The following PRDM16 variants were observed in gnomAD, a reference collection of about 807,000 sequenced individuals.
PRDM16 encodes the protein histone-lysine N-methyltransferase PRDM16.
A neutral mutation model predicts 110.6 loss-of-function variants in PRDM16; 23 were observed. The ratio of observed to expected loss-of-function variants is 0.21; its 90% CI spans 0.15 to 0.29. The LOEUF (loss-of-function observed/expected upper bound fraction) is 0.29. Ranked by LOEUF, PRDM16 falls within the 10% of genes least tolerant of loss-of-function variation. PRDM16 has a pLI of 1.00. For synonymous variants in PRDM16, 799 were observed against 781.8 expected (o/e 1.02, Z -0.37); for missense variants, 1,615 against 1,794.3 (o/e 0.90, Z 1.81).
intron 3 of PRDM16, among the ~76,000 whole-genome samples, chr1:3,273,792 G>A (rs571942276): frequency 6.6e-6 from 1 of 150,482 alleles, no homozygotes; most frequent in Non-Finnish European, 1.5e-5. Flanking sequence ...TGTGCATAGC[G>A]TGTGGCTAAC....
intron 2 of PRDM16, among the ~76,000 whole-genome samples, chr1:3,236,326 C>T (rs1639540119): frequency 6.6e-6 from 1 of 152,138 alleles, no homozygotes; most frequent in African/African-American, 2.4e-5. Context: ...GAGAGAGAGA[C>T]AGGACCCCCA....
rs116605319 is a variant in PRDM16 at position 3,177,062 on chromosome 1, C to T, written c.38-9063C>T. On this transcript the variant is annotated intron_variant, in intron 1 of 16. Transcript: ENST00000270722. ...ATCCATCTGTTAACTCATCCATCCA[C>T]TCATGTATCTATACACTTATCCATT... Among the ~76,000 whole-genome samples the T allele has an allele frequency of 4.5e-3, 684 of 152,314 alleles. 11 individuals carry two copies. Among genetic ancestry groups the T allele is most frequent in the African/African-American group, 0.016 (661 of 41,560 alleles).
chr1:3,081,715 AC>A lies in PRDM16; in HGVS notation c.37+12420del, dbSNP rs1642033277. ...CGCTTCCCACCCCTGGGTGTCGGTC[AC>A]TAGAGAGTGGGTAGAGCCTGGCCAC... is the stretch of plus-strand genomic sequence containing the variant. On this transcript the variant is annotated intron_variant, in intron 1 of 16. Coordinates refer to ENST00000270722, the MANE Select transcript of PRDM16 (RefSeq NM_022114.4). This position sits in a 1 kb window ranked among gnomAD's most constrained non-coding sequence, Gnocchi z 4.6. Among the ~76,000 whole-genome samples the A allele has an allele frequency of 6.6e-6, 1 of 152,070 alleles. No homozygotes were observed.
intron 3 of PRDM16, among the ~76,000 whole-genome samples, chr1:3,301,654 A>G (rs574153133): frequency 6.6e-6 from 1 of 151,020 alleles, no homozygotes; most frequent in South Asian, 2.1e-4. Context: ...TGGGCAGGAC[A>G]GGGGATAGAG....
At chr1:3,097,679 G>A (rs1299282790) in intron 1 of PRDM16, among the ~76,000 whole-genome samples, 3 of 152,330 alleles carry the variant, frequency 2.0e-5, no homozygotes, top group African/African-American at 4.8e-5. Flanking sequence ...CTCAGCAGCT[G>A]TTCTTCCTAC....
intron 3 of PRDM16, among the ~76,000 whole-genome samples, chr1:3,279,735 C>T (rs1339636698): frequency 6.6e-6 from 1 of 152,084 alleles, no homozygotes; most frequent in African/African-American, 2.4e-5. Flanking sequence ...GAAGGCAGGA[C>T]AAAGGGGCCT....
chr1:3,180,033 C>T (rs1304504857), intron 1 of PRDM16, among the ~76,000 whole-genome samples: 9 of 152,094 alleles, frequency 5.9e-5, no homozygotes, highest in African/African-American at 2.2e-4. Context: ...TCCCTTCCGT[C>T]TCATACTTTT....
In PRDM16 at chr1:3,246,074, C is replaced by T. The variant is rs939626830; in HGVS notation, c.438+1937C>T. On this transcript the variant is annotated intron_variant, in intron 3 of 16. Coordinates refer to ENST00000270722, the MANE Select transcript of PRDM16 (RefSeq NM_022114.4). This position sits in a 1 kb window ranked among gnomAD's most constrained non-coding sequence, Gnocchi z 5.2. ...AAAGGTCAAGTCTAGATTTAAAGGG[C>T]CCGGGGGAGGCAAGTGCTGGCTGCT... Among the ~76,000 whole-genome samples the T allele has an allele frequency of 6.6e-6, 1 of 152,112 alleles. No individual in the cohort carries two copies. The highest frequency in any genetic ancestry group is 1.5e-5 in the Non-Finnish European group (1 of 68,012).
intron 3 of PRDM16, among the ~76,000 whole-genome samples, chr1:3,362,733 C>T (rs1274361869): frequency 1.3e-5 from 2 of 152,166 alleles, no homozygotes; most frequent in African/African-American, 2.4e-5. Context: ...GTCACAAAGC[C>T]GGCCGGGTCT....
intron 2 of PRDM16, among the ~76,000 whole-genome samples, chr1:3,192,399 G>T (rs545809940): frequency 6.6e-6 from 1 of 152,316 alleles, no homozygotes; most frequent in Admixed American, 6.5e-5. Flanking sequence ...CAGGCTCAGG[G>T]TGTTAGGAGG....
At chr1:3,107,176 A>G (rs1642677801) in intron 1 of PRDM16, among the ~76,000 whole-genome samples, 1 of 152,212 alleles carries the variant, frequency 6.6e-6, no homozygotes, top group South Asian at 2.1e-4. Context: ...GCCATTTCCC[A>G]GGGTCAAGTG....
At position 3,069,353 on chromosome 1, in the gene PRDM16, G is replaced by C. The variant is rs1641683834; in HGVS notation, c.37+57G>C. On this transcript the variant is annotated intron_variant, in intron 1 of 16. Coordinates refer to ENST00000270722, the MANE Select transcript of PRDM16 (RefSeq NM_022114.4). The surrounding 1 kb of genome is among the most constrained non-coding windows in gnomAD (Gnocchi z 6.1). ...GCCGGGGCCCGGGCCGCCGGGCCGG[G>C]GCGCCCGGGCCAGGGGTGCGCGTCG... 1.1e-6 allele frequency: 1 copy of C among 918,684 alleles called. No homozygotes were observed. The highest frequency in any genetic ancestry group is 1.3e-6 in the Non-Finnish European group (1 of 762,474). 56.9% of individuals were successfully genotyped at this position (918,684 alleles called of 1,614,324 possible). A position where few individuals can be genotyped will look rare whatever the true frequency, so the allele number is the denominator to read the frequency against.
At chr1:3,149,447 C>T (rs934624847) in intron 1 of PRDM16, among the ~76,000 whole-genome samples, 1 of 152,154 alleles carries the variant, frequency 6.6e-6, no homozygotes, top group African/African-American at 2.4e-5. Context: ...ACACGAGGTG[C>T]TGTGGGTGCC....
At chr1:3,277,799 G>A (rs1175919869) in intron 3 of PRDM16, among the ~76,000 whole-genome samples, 16 of 151,934 alleles carry the variant, frequency 1.1e-4, no homozygotes, top group Non-Finnish European at 2.2e-4. Context: ...ACACACAAAC[G>A]CACAGTTGTG....
At chr1:3,328,782 C>T (rs1306761198) in intron 3 of PRDM16, among the ~76,000 whole-genome samples, 1 of 152,192 alleles carries the variant, frequency 6.6e-6, no homozygotes, top group Non-Finnish European at 1.5e-5. Context: ...GCAGAATCTG[C>T]AGCCAGGTGG....
At chr1:3,426,890 C>G (rs1638623211) in intron 14 of PRDM16, among the ~76,000 whole-genome samples, 1 of 152,158 alleles carries the variant, frequency 6.6e-6, no homozygotes, top group Non-Finnish European at 1.5e-5. Context: ...TGTGCTCTGC[C>G]CTTTGCGTGC....
At chr1:3,093,002 C>T (rs1642312304) in intron 1 of PRDM16, among the ~76,000 whole-genome samples, 1 of 152,276 alleles carries the variant, frequency 6.6e-6, no homozygotes, top group South Asian at 2.1e-4. Context: ...GGCGTCCCAC[C>T]TCTGTAATCA....
chr1:3,091,520 C>A (rs575448513), intron 1 of PRDM16, among the ~76,000 whole-genome samples: 1 of 152,370 alleles, frequency 6.6e-6, no homozygotes, highest in East Asian at 1.9e-4. Context: ...CGGCTCCTCT[C>A]CACGCCTGCC....
intron 1 of PRDM16, among the ~76,000 whole-genome samples, chr1:3,086,888 G>A (rs1368068012): frequency 6.6e-6 from 1 of 152,160 alleles, no homozygotes; most frequent in Non-Finnish European, 1.5e-5. Context: ...ATTTCCAGTA[G>A]TGAAGCAATT....
Sources: gnomAD v4.1 joint callset for allele counts (sites outside exome capture counted in the v4.1 genomes callset) on GRCh38, gnomAD v4.1.1 for gene constraint, Gnocchi (gnomAD v3.1) non-coding constraint, MANE v1.5 for transcripts, NCBI Gene and HGNC (gene_info 2026-07-23, HGNC 2026-07-21) for gene names.